The following CHST6 variants were observed in gnomAD, a reference collection of about 807,000 sequenced individuals.
The protein encoded by CHST6 is carbohydrate sulfotransferase 6.
For missense variants in CHST6, 698 were observed against 586.2 expected, an observed-to-expected ratio of 1.19 and a Z score of -1.97; for synonymous variants, 309 against 276.4, an observed-to-expected ratio of 1.12 and a Z score of -1.17.
chr16:75,478,996 C>T lies in CHST6; in HGVS notation c.833G>A (p.Arg278Gln). ...YRLVRFEDLA[R>Q]EPLAEIRALY... is the part of the protein sequence containing the mutation. The stretch of plus-strand genomic sequence containing the variant: ...CGCACGGATTTCTGCCAGCGGCTCC[C>T]GCGCCAGGTCCTCGAAGCGCACCAG... Residue 278 changes from arginine (R) to glutamine (Q), a missense_variant, in exon 3 of 3, where the codon CGG becomes CAG. Arg to Gln is a conservative substitution (Grantham distance 43). Coordinates refer to ENST00000332272, the MANE Select transcript of CHST6 (RefSeq NM_021615.5). 2 of 1,612,298 alleles carry T rather than the reference C, an allele frequency of 1.2e-6. No homozygotes were observed. Among genetic ancestry groups the T allele is most frequent in the Non-Finnish European group, 1.7e-6 (2 of 1,179,944 alleles).
chr16:75,472,578 A>C lies in CHST6; in HGVS notation c.*6063T>G, dbSNP rs1018832936. 3 of 152,246 alleles carry C rather than the reference A, an allele frequency of 2.0e-5. No individual in the cohort carries two copies. The highest frequency in any genetic ancestry group is 2.9e-5 in the Non-Finnish European group (2 of 68,042). The allele number at this position is 152,246 out of a possible 1,614,324, so 9.4% of individuals were successfully genotyped here. A position where few individuals can be genotyped will look rare whatever the true frequency, so the allele number is the denominator to read the frequency against. ...CACCCATCAGGTAGGCAAAAATTAA[A>C]ACCATTGATTTAACCCTGTAGAGGT... On this transcript the variant is annotated 3_prime_UTR_variant, in exon 3 of 3. Transcript: ENST00000332272.
Position 75,477,091 on chromosome 16 carries a change from C to A in CHST6, c.*1550G>T, listed in dbSNP as rs1269544764. On this transcript the variant is annotated 3_prime_UTR_variant, in exon 3 of 3. Transcript: ENST00000332272. ...TTTGTTATAACCACCTGAACAAGAA[C>A]AAAGACATTCTCTAAGCCATGTAGT... 1 of 152,200 alleles carries A rather than the reference C, an allele frequency of 6.6e-6. No individual in the cohort carries two copies. Among genetic ancestry groups the A allele is most frequent in the East Asian group, 1.9e-4 (1 of 5,202 alleles). The allele number at this position is 152,200 out of a possible 1,614,324, so 9.4% of individuals were successfully genotyped here.
rs1407936227 is a variant in CHST6, at chr16:75,479,138, T to TGCC, written c.688_690dup (p.Gly230dup). The TGCC allele has an allele frequency of 3.7e-6, 6 of 1,606,420 alleles. No homozygotes were observed. Among genetic ancestry groups the TGCC allele is most frequent in the African/African-American group, 1.3e-5 (1 of 74,858 alleles). On this transcript the variant is annotated inframe_insertion, in exon 3 of 3. Transcript: ENST00000332272. ...AGGCCGGGGTCGGCCTCCACCCACG[T>TGCC]GCCGTTGGTGCCCAGCACGATGCCG...
intron 1 of CHST6, among the ~76,000 whole-genome samples, chr16:75,486,575 A>G (rs563186928): frequency 2.6e-5 from 4 of 152,354 alleles, no homozygotes; most frequent in South Asian, 4.1e-4. Context: ...CTCAACTGCA[A>G]TTCTGGAGTT....
Position 75,479,410 on chromosome 16 carries a change from CG to C in CHST6, c.418del (p.Arg140GlufsTer241). On this transcript the variant is annotated frameshift_variant, in exon 3 of 3. Transcript: ENST00000332272. LOFTEE classifies it low-confidence loss of function (END_TRUNC). Reference sequence around the variant, plus strand: ...CACGGCCTCGCTGCTGATGGCGCCTCGGGGAAAGGCACTGCAGGCGGGTGGC... The same window carrying C: ...CACGGCCTCGCTGCTGATGGCGCCTCGGGAAAGGCACTGCAGGCGGGTGGC... ...CSPPACSAFP[R>X]GAISSEAVCK... is the part of the protein sequence containing the mutation. 1 of 1,612,888 alleles carries C rather than the reference CG, an allele frequency of 6.2e-7. No individual in the cohort carries two copies. Among genetic ancestry groups the C allele is most frequent in the Non-Finnish European group, 8.5e-7 (1 of 1,179,828 alleles).
Position 75,473,861 on chromosome 16 carries a change from T to C in CHST6, c.*4780A>G, listed in dbSNP as rs181108329. On this transcript the variant is annotated 3_prime_UTR_variant, in exon 3 of 3. Transcript: ENST00000332272. Reference sequence around the variant, plus strand: ...TCATTGAGGCTTATCCTGAGTGATGTTGGCTGCCTGTGTTAACAAACTGTT... The same window carrying C: ...TCATTGAGGCTTATCCTGAGTGATGCTGGCTGCCTGTGTTAACAAACTGTT... The C allele has an allele frequency of 6.6e-6, 1 of 152,348 alleles. No individual in the cohort carries two copies. Among genetic ancestry groups the C allele is most frequent in the East Asian group, 1.9e-4 (1 of 5,188 alleles). 9.4% of individuals were successfully genotyped at this position (152,348 alleles called of 1,614,324 possible).
intron 2 of CHST6, among the ~76,000 whole-genome samples, chr16:75,480,348 C>T (rs1054694642): frequency 1.3e-5 from 2 of 152,182 alleles, no homozygotes; most frequent in Non-Finnish European, 2.9e-5. Flanking sequence ...CCACACTACA[C>T]TGACATACAT....
At position 75,474,282 on chromosome 16, in the gene CHST6, CATTT is replaced by C. The variant is rs1212336856; in HGVS notation, c.*4355_*4358del. 9 of 288,894 alleles carry C rather than the reference CATTT, an allele frequency of 3.1e-5. No homozygotes were observed. Among genetic ancestry groups the C allele is most frequent in the Non-Finnish European group, 5.7e-5 (9 of 157,236 alleles). The allele number at this position is 288,894 out of a possible 1,614,324, so 17.9% of individuals were successfully genotyped here. A position where few individuals can be genotyped will look rare whatever the true frequency, so the allele number is the denominator to read the frequency against. On this transcript the variant is annotated 3_prime_UTR_variant, in exon 3 of 3. Transcript: ENST00000332272. ...GCTATAACAATACCACAGATGGGGT[CATTT>C]ATTTAGAGATAGGTGTCTTGCTCTG...
At chr16:75,491,183 AAAAAAAAATATAT>A (rs1219233732) in intron 1 of CHST6, among the ~76,000 whole-genome samples, 12 of 86,194 alleles carry the variant, frequency 1.4e-4, no homozygotes, top group South Asian at 4.5e-4. Flanking sequence ...AAAAAAAAAA[AAAAAAAAATATAT>A]ATATATATAT....
chr16:75,494,749 C>T (rs564547528), intron 1 of CHST6, among the ~76,000 whole-genome samples, 191 bp downstream of exon 1: 2 of 152,370 alleles, frequency 1.3e-5, no homozygotes, highest in African/African-American at 4.8e-5. Flanking sequence ...CCCAGCAAGA[C>T]ACTTCCAAAC....
chr16:75,482,857 C>G (rs1377620212), intron 1 of CHST6, among the ~76,000 whole-genome samples: 1 of 152,152 alleles, frequency 6.6e-6, no homozygotes, highest in South Asian at 2.1e-4. Flanking sequence ...GGATGCCCAG[C>G]AGCTCTGTCA....
chr16:75,480,594 G>T (rs1192930231), intron 2 of CHST6, among the ~76,000 whole-genome samples: 5 of 151,780 alleles, frequency 3.3e-5, no homozygotes, highest in Non-Finnish European at 7.4e-5. Flanking sequence ...AAATAGACAG[G>T]TATAACTTTT....
chr16:75,481,934 A>G, intron 1 of CHST6, 43 bp from the exon 2 acceptor site: 2 of 448,420 alleles, frequency 4.5e-6, no homozygotes, highest in Admixed American at 2.5e-5. Context: ...CTACAGGGGA[A>G]GATAGCCCCA....
chr16:75,485,134 C>T (rs1183437770), intron 1 of CHST6, among the ~76,000 whole-genome samples: 2 of 152,074 alleles, frequency 1.3e-5, no homozygotes, highest in African/African-American at 2.4e-5. Flanking sequence ...GAGGGTGGAA[C>T]TAAAAAGTAC....
intron 1 of CHST6, among the ~76,000 whole-genome samples, chr16:75,493,278 A>C (rs2080275378): frequency 6.6e-6 from 1 of 152,024 alleles, no homozygotes; most frequent in South Asian, 2.1e-4. Context: ...TGCGAGGCTG[A>C]GGAGGGCGGA....
At chr16:75,484,168 T>C (rs2080170715) in intron 1 of CHST6, among the ~76,000 whole-genome samples, 1 of 150,518 alleles carries the variant, frequency 6.6e-6, no homozygotes, top group South Asian at 2.1e-4. Context: ...TGAAACCCCG[T>C]CTCTACTAAA....
At chr16:75,493,392 C>G (rs928408371) in intron 1 of CHST6, among the ~76,000 whole-genome samples, 1 of 151,858 alleles carries the variant, frequency 6.6e-6, no homozygotes, top group Non-Finnish European at 1.5e-5. Flanking sequence ...GCCTGTAATC[C>G]CAGCTACTCA....
In CHST6 at chr16:75,475,706, C is replaced by T. The variant is rs2080059327; in HGVS notation, c.*2935G>A. ...CATGCGCAGAGAGCAAATTCAGGAGCCAGTCAAGCATGTCCTGACACCTTG... is the reference window on the plus strand; with the variant it reads ...CATGCGCAGAGAGCAAATTCAGGAGTCAGTCAAGCATGTCCTGACACCTTG... On this transcript the variant is annotated 3_prime_UTR_variant, in exon 3 of 3. Coordinates refer to ENST00000332272, the MANE Select transcript of CHST6 (RefSeq NM_021615.5). The T allele has an allele frequency of 1.3e-5, 2 of 152,174 alleles. No individual in the cohort carries two copies. The highest frequency in any genetic ancestry group is 4.8e-5 in the African/African-American group (2 of 41,440). The allele number at this position is 152,174 out of a possible 1,614,324, so 9.4% of individuals were successfully genotyped here.
At chr16:75,490,867 C>T (rs1309655577) in intron 1 of CHST6, 1 of 151,952 alleles carries the variant, frequency 6.6e-6, no homozygotes, top group Non-Finnish European at 1.5e-5. Context: ...TGTCTATCAG[C>T]TGATGAATAG....
Sources: allele counts gnomAD v4.1 joint callset (sites outside exome capture counted in the v4.1 genomes callset), GRCh38; gene constraint gnomAD v4.1.1; transcripts MANE v1.5; gene names NCBI Gene and HGNC (gene_info 2026-07-23, HGNC 2026-07-21).